MYO1D: variants seen among roughly 807,000 people sequenced by gnomAD.
MYO1D encodes unconventional myosin-Id.
A neutral mutation model predicts 122.0 loss-of-function variants in MYO1D; 83 were observed. The observed-to-expected ratio is 0.68, with a 90% CI of 0.57 to 0.82. The LOEUF is 0.82. MYO1D is among the 40% of genes least tolerant of loss of function. The pLI is 0.00. For missense variants in MYO1D, 1,157 were observed against 1,269.5 expected (o/e 0.91, Z 1.35); for synonymous variants, 464 against 446.9 (o/e 1.04, Z -0.48).
At chr17:32,591,676 C>A (rs1055166334) in intron 21 of MYO1D, among the ~76,000 whole-genome samples, 15 of 146,792 alleles carry the variant, frequency 1.0e-4, no homozygotes, top group South Asian at 4.3e-4. Flanking sequence ...AAAAAAAAAA[C>A]AAACCTACTT....
At chr17:32,865,711 T>C (rs976628143) in intron 1 of MYO1D, among the ~76,000 whole-genome samples, 19 of 152,138 alleles carry the variant, frequency 1.2e-4, no homozygotes, top group African/African-American at 4.6e-4. Context: ...AGCAGAAATG[T>C]GGGAAAATAA....
intron 1 of MYO1D, among the ~76,000 whole-genome samples, chr17:32,873,800 A>C (rs1374650963): frequency 6.6e-6 from 1 of 152,212 alleles, no homozygotes; most frequent in Non-Finnish European, 1.5e-5. Context: ...TCAAGGACAC[A>C]CAGATGAGAT....
intron 21 of MYO1D, among the ~76,000 whole-genome samples, chr17:32,522,081 CAAAAAA>C (rs35096680): frequency 8.9e-4 from 56 of 63,256 alleles, no homozygotes; most frequent in South Asian, 1.6e-3. Flanking sequence ...GACTCTGTCT[CAAAAAA>C]AAAAAAAAAA....
intron 8 of MYO1D, among the ~76,000 whole-genome samples, chr17:32,763,398 C>T (rs1271033962): frequency 6.6e-6 from 1 of 152,060 alleles, no homozygotes; most frequent in Admixed American, 6.5e-5. Context: ...GCTTGCCACA[C>T]AGATAACAAA....
At chr17:32,683,352 G>A (rs900067283) in intron 16 of MYO1D, among the ~76,000 whole-genome samples, 5 of 152,148 alleles carry the variant, frequency 3.3e-5, no homozygotes, top group African/African-American at 1.2e-4. Flanking sequence ...CAGTTTTTCT[G>A]TTCTGTTTTT....
chr17:32,604,386 T>C (rs930722279), intron 21 of MYO1D, among the ~76,000 whole-genome samples: 2 of 152,096 alleles, frequency 1.3e-5, no homozygotes, highest in African/African-American at 4.8e-5. Flanking sequence ...TTTGGAGAGA[T>C]ACACCCACCC....
intron 21 of MYO1D, among the ~76,000 whole-genome samples, chr17:32,535,487 C>A (rs896980696): frequency 2.0e-5 from 3 of 152,218 alleles, no homozygotes; most frequent in Admixed American, 6.5e-5. Flanking sequence ...GTGGCTCACG[C>A]CTATAATCCC....
At chr17:32,540,171 C>T (rs1304660429) in intron 21 of MYO1D, among the ~76,000 whole-genome samples, 1 of 151,182 alleles carries the variant, frequency 6.6e-6, no homozygotes, top group Non-Finnish European at 1.5e-5. Context: ...ATGATGAAAC[C>T]CCGTCTCCAC....
intron 21 of MYO1D, among the ~76,000 whole-genome samples, chr17:32,585,602 C>T (rs563256789): frequency 2.0e-5 from 3 of 151,906 alleles, no homozygotes; most frequent in Non-Finnish European, 4.4e-5. Context: ...TGGTAGCGGG[C>T]GCCTGTAATC....
chr17:32,531,167 A>G (rs1325499228), intron 21 of MYO1D: 1 of 152,242 alleles, frequency 6.6e-6, no homozygotes, highest in Non-Finnish European at 1.5e-5. Flanking sequence ...AATTGGGCCA[A>G]TCAGAGACTT....
intron 21 of MYO1D, among the ~76,000 whole-genome samples, chr17:32,566,709 G>T (rs1200335832): frequency 6.6e-6 from 1 of 151,292 alleles, no homozygotes; most frequent in African/African-American, 2.4e-5. Flanking sequence ...AGTAGTTACG[G>T]TTGTTGTCCG....
At chr17:32,611,981 T>G (rs1567909418) in intron 20 of MYO1D, among the ~76,000 whole-genome samples, 1 of 152,222 alleles carries the variant, frequency 6.6e-6, no homozygotes, top group Non-Finnish European at 1.5e-5. Context: ...TGTGTAAGGT[T>G]CTAACCAGTA....
At chr17:32,590,547 C>T (rs1199744714) in intron 21 of MYO1D, among the ~76,000 whole-genome samples, 1 of 152,180 alleles carries the variant, frequency 6.6e-6, no homozygotes, top group Non-Finnish European at 1.5e-5. Flanking sequence ...CTTGGTATCC[C>T]TCCTACCACC....
chr17:32,711,946 T>G (rs1437555433), intron 16 of MYO1D, 42 bp downstream of exon 16: 1 of 1,501,294 alleles, frequency 6.7e-7, no homozygotes, highest in Non-Finnish European at 9.0e-7. Context: ...TTTAAGAACT[T>G]AAAAGCAAAA....
At chr17:32,522,081 CAAAAAAAAAAAA>C (rs35096680) in intron 21 of MYO1D, among the ~76,000 whole-genome samples, 6 of 63,228 alleles carry the variant, frequency 9.5e-5, no homozygotes, top group African/African-American at 2.4e-4. Context: ...GACTCTGTCT[CAAAAAAAAAAAA>C]AAAAAAAAAA....
At position 32,786,263 on chromosome 17, in the gene MYO1D, T is replaced by TA. The variant is rs199949074; in HGVS notation, c.96-5480dup. On this transcript the variant is annotated intron_variant, in intron 1 of 21. Transcript: ENST00000318217. ...AGAAGTAACTAGAAATTCCTTTTTT[T>TA]AAAAAAAAACAGGCTGTCATAGTGG... Among the ~76,000 whole-genome samples, 422 of 151,602 alleles carry TA rather than the reference T, an allele frequency of 2.8e-3. 5 individuals carry two copies. The highest frequency in any genetic ancestry group is 9.4e-3 in the South Asian group (45 of 4,782).
chr17:32,833,348 C>CTAT (rs1567664144), intron 1 of MYO1D, among the ~76,000 whole-genome samples: 1 of 152,188 alleles, frequency 6.6e-6, no homozygotes, highest in Non-Finnish European at 1.5e-5. Flanking sequence ...TAAACACAAT[C>CTAT]CATCTCTCTT....
chr17:32,606,102 TCAA>T (rs982537627), intron 20 of MYO1D, among the ~76,000 whole-genome samples: 2 of 152,224 alleles, frequency 1.3e-5, no homozygotes, highest in African/African-American at 2.4e-5. Flanking sequence ...AGACTCCATC[TCAA>T]CAACAACAAC....
Position 32,876,876 on chromosome 17 carries a change from G to C in MYO1D, c.-4C>G. ...CCAGGCTCTCCTGCTCCGCCATGGC[G>C]CCAGCGCGGGGGCTCAGGTGGGCGC... On this transcript the variant is annotated 5_prime_UTR_variant, in exon 1 of 22. Coordinates refer to ENST00000318217, the MANE Select transcript of MYO1D (RefSeq NM_015194.3). 1 of 1,478,196 alleles carries C rather than the reference G, an allele frequency of 6.8e-7. No homozygotes were observed. Among genetic ancestry groups the C allele is most frequent in the Non-Finnish European group, 9.0e-7 (1 of 1,108,058 alleles). 91.6% of individuals were successfully genotyped at this position (1,478,196 alleles called of 1,614,324 possible). A position where few individuals can be genotyped will look rare whatever the true frequency, so the allele number is the denominator to read the frequency against.
Sources: allele counts gnomAD v4.1 joint callset (sites outside exome capture counted in the v4.1 genomes callset), GRCh38; gene constraint gnomAD v4.1.1; transcripts MANE v1.5; gene names NCBI Gene and HGNC (gene_info 2026-07-23, HGNC 2026-07-21).